CSNK2A2IP: variants seen among roughly 807,000 people sequenced by gnomAD.
The protein encoded by CSNK2A2IP is casein kinase II subunit alpha'-interacting protein.
At chr3:88,357,261 A>C in the CSNK2A2IP span, among the ~76,000 whole-genome samples, 2 of 152,058 alleles carry the variant, frequency 1.3e-5, no homozygotes, top group Non-Finnish European at 2.9e-5. Context: ...TAAGTATTTA[A>C]TCCATTTCAT....
the CSNK2A2IP span, chr3:88,466,816 T>G: frequency 2.2e-6 from 2 of 899,084 alleles, no homozygotes; most frequent in African/African-American, 3.5e-5. Context: ...AAAATCTCCA[T>G]GTAACCATCT....
the CSNK2A2IP span, among the ~76,000 whole-genome samples, chr3:88,400,430 C>G: frequency 6.6e-6 from 1 of 152,056 alleles, no homozygotes; most frequent in Non-Finnish European, 1.5e-5. Flanking sequence ...TTTCCATGTG[C>G]TAATTTCTCA....
the CSNK2A2IP span, among the ~76,000 whole-genome samples, chr3:88,405,651 A>T: frequency 1.3e-5 from 2 of 152,268 alleles, no homozygotes; most frequent in Admixed American, 6.5e-5. Context: ...ACCCTGCCCT[A>T]CCTTGATAAG....
At chr3:88,442,691 C>G in the CSNK2A2IP span, among the ~76,000 whole-genome samples, 1 of 151,866 alleles carries the variant, frequency 6.6e-6, no homozygotes, top group Admixed American at 6.6e-5. Flanking sequence ...GAAGTTAAAT[C>G]ATCTTCCCAA....
chr3:88,345,568 A>G, the CSNK2A2IP span, among the ~76,000 whole-genome samples: 1 of 151,842 alleles, frequency 6.6e-6, no homozygotes, highest in African/African-American at 2.4e-5. Flanking sequence ...AAACTTTTCC[A>G]TTATTATTAT....
chr3:88,431,114 T>C, the CSNK2A2IP span: 2 of 152,170 alleles, frequency 1.3e-5, no homozygotes, highest in African/African-American at 4.8e-5. Context: ...TCCTGGAATA[T>C]AAAAAATTAA....
At chr3:88,440,163 A>G in the CSNK2A2IP span, among the ~76,000 whole-genome samples, 51 of 152,344 alleles carry the variant, frequency 3.3e-4, no homozygotes, top group Admixed American at 1.6e-3. Context: ...GATATTGAAC[A>G]TTTGTAAAAT....
the CSNK2A2IP span, among the ~76,000 whole-genome samples, chr3:88,451,814 C>A: frequency 4.7e-3 from 699 of 149,978 alleles, 4 homozygotes; most frequent in African/African-American, 0.016. Context: ...CCTTATTTTG[C>A]TTCTTGTGGT....
At chr3:88,451,706 A>G in the CSNK2A2IP span, among the ~76,000 whole-genome samples, 2 of 145,746 alleles carry the variant, frequency 1.4e-5, no homozygotes, top group Non-Finnish European at 3.0e-5. Flanking sequence ...ATTTTTTTAT[A>G]TATTACACTC....
chr3:88,389,228 T>A, the CSNK2A2IP span, among the ~76,000 whole-genome samples: 4 of 122,182 alleles, frequency 3.3e-5, no homozygotes, highest in South Asian at 1.4e-3. Flanking sequence ...GACAGTAACA[T>A]TTAATTTAAA....
the CSNK2A2IP span, among the ~76,000 whole-genome samples, chr3:88,371,318 T>C: frequency 6.6e-6 from 1 of 151,578 alleles, no homozygotes; most frequent in Non-Finnish European, 1.5e-5. Context: ...GGGAAATGAG[T>C]TATTGCAGAG....
the CSNK2A2IP span, among the ~76,000 whole-genome samples, chr3:88,418,900 A>G: frequency 6.6e-6 from 1 of 152,152 alleles, no homozygotes; most frequent in African/African-American, 2.4e-5. Context: ...AGTTTTTCAC[A>G]TCATGGCTCA....
At chr3:88,405,746 T>C in the CSNK2A2IP span, among the ~76,000 whole-genome samples, 1 of 152,176 alleles carries the variant, frequency 6.6e-6, no homozygotes, top group Non-Finnish European at 1.5e-5. Flanking sequence ...AAAACAACCA[T>C]TTTAAGGCAC....
chr3:88,341,292 A>G, the CSNK2A2IP span, among the ~76,000 whole-genome samples: 1 of 151,842 alleles, frequency 6.6e-6, no homozygotes, highest in South Asian at 2.1e-4. Flanking sequence ...GACATGAATC[A>G]TTATTATTAT....
the CSNK2A2IP span, among the ~76,000 whole-genome samples, chr3:88,415,902 C>T: frequency 6.6e-6 from 1 of 151,858 alleles, no homozygotes; most frequent in Non-Finnish European, 1.5e-5. Flanking sequence ...ATTGAGATGT[C>T]CTAAAGTGAA....
chr3:88,464,419 A>G, the CSNK2A2IP span, among the ~76,000 whole-genome samples: 1 of 151,810 alleles, frequency 6.6e-6, no homozygotes, highest in Admixed American at 6.6e-5. Context: ...ACCTGGTAAT[A>G]TAACTCTTAG....
the CSNK2A2IP span, among the ~76,000 whole-genome samples, chr3:88,451,596 A>T: frequency 6.6e-6 from 1 of 151,706 alleles, no homozygotes; most frequent in Non-Finnish European, 1.5e-5. Flanking sequence ...ACATTTATAA[A>T]TTTTTTTCAC....
At chr3:88,389,937 C>T in the CSNK2A2IP span, among the ~76,000 whole-genome samples, 1 of 151,442 alleles carries the variant, frequency 6.6e-6, no homozygotes, top group Non-Finnish European at 1.5e-5. Flanking sequence ...TGTTAGTATA[C>T]TTCCTTTCTT....
chr3:88,360,879 C>A, the CSNK2A2IP span, among the ~76,000 whole-genome samples: 1 of 151,878 alleles, frequency 6.6e-6, no homozygotes. Flanking sequence ...ATGAGAATTA[C>A]AAATAACACT....
Sources: gnomAD v4.1 joint callset for allele counts (sites outside exome capture counted in the v4.1 genomes callset) on GRCh38, gnomAD v4.1.1 for gene constraint, MANE v1.5 for transcripts, NCBI Gene and HGNC (gene_info 2026-07-23, HGNC 2026-07-21) for gene names.